ATRNL1: variants seen among roughly 807,000 people sequenced by gnomAD.
ATRNL1 encodes the protein attractin like 1, also known as attractin-like protein 1.
In ATRNL1, 95 loss-of-function variants were observed where a neutral mutation model predicts 182.7. That is an observed-to-expected ratio of 0.52 (90% CI 0.44 to 0.62). The LOEUF is 0.62. ATRNL1 is among the 20% of genes least tolerant of loss of function. The probability of loss-of-function intolerance (pLI) is 0.00; values close to 1 mark genes in which losing one functional copy is unlikely to be tolerated. For missense variants in ATRNL1, 1,471 were observed against 1,679.5 expected, an observed-to-expected ratio of 0.88 and a Z score of 2.17; for synonymous variants, 576 against 568.3, an observed-to-expected ratio of 1.01 and a Z score of -0.19.
intron 28 of ATRNL1, among the ~76,000 whole-genome samples, chr10:115,850,782 T>C (rs1415422771): frequency 6.6e-6 from 1 of 152,184 alleles, no homozygotes; most frequent in Non-Finnish European, 1.5e-5. Context: ...TTCAAATTCA[T>C]TTACCCTTTC....
chr10:115,439,261 C>T (rs1275725489), intron 21 of ATRNL1, among the ~76,000 whole-genome samples: 7 of 151,768 alleles, frequency 4.6e-5, no homozygotes, highest in Non-Finnish European at 7.4e-5. Flanking sequence ...AAAAAATTCA[C>T]ATATGAGTGG....
intron 26 of ATRNL1, among the ~76,000 whole-genome samples, chr10:115,625,894 G>C (rs1555024512): frequency 6.6e-6 from 1 of 152,040 alleles, no homozygotes; most frequent in Non-Finnish European, 1.5e-5. Flanking sequence ...GCCCCAACTT[G>C]TTCGTTCCTC....
At chr10:115,180,106 A>T (rs945559602) in intron 8 of ATRNL1, among the ~76,000 whole-genome samples, 1 of 151,934 alleles carries the variant, frequency 6.6e-6, no homozygotes, top group Non-Finnish European at 1.5e-5. Flanking sequence ...ATTTGATGGG[A>T]GGATATTTAT....
intron 26 of ATRNL1, among the ~76,000 whole-genome samples, chr10:115,647,014 A>G (rs1290821670): frequency 7.5e-6 from 1 of 132,492 alleles, no homozygotes. Context: ...AAGTGTTCTC[A>G]TTGTTCAATT....
intron 25 of ATRNL1, among the ~76,000 whole-genome samples, chr10:115,538,660 C>T (rs1334046828): frequency 2.6e-5 from 4 of 152,104 alleles, no homozygotes; most frequent in Non-Finnish European, 5.9e-5. Context: ...TTTTCATTCT[C>T]TTAACAGTAT....
At chr10:115,473,938 T>A (rs561153721) in intron 24 of ATRNL1, among the ~76,000 whole-genome samples, 7 of 151,502 alleles carry the variant, frequency 4.6e-5, no homozygotes, top group African/African-American at 1.7e-4. Context: ...CATTTATAAT[T>A]TGTTTAAGTC....
intron 8 of ATRNL1, among the ~76,000 whole-genome samples, chr10:115,201,602 G>T (rs1838851858): frequency 6.6e-6 from 1 of 152,026 alleles, no homozygotes; most frequent in East Asian, 1.9e-4. Context: ...CTCTGTTTTG[G>T]TACCAGTACC....
intron 26 of ATRNL1, among the ~76,000 whole-genome samples, chr10:115,560,415 G>C (rs1461066777): frequency 6.6e-6 from 1 of 152,178 alleles, no homozygotes; most frequent in African/African-American, 2.4e-5. Context: ...GCTATGACAG[G>C]TGGGAATTAT....
At position 115,314,075 on chromosome 10, in the gene ATRNL1, T is replaced by G. The variant is rs142429705; in HGVS notation, c.2819-1443T>G. ...TTTAAAACTGTGTCATTTAGCGCTG[T>G]GTACTGTTGAAAAAATGTAAGATTT... On this transcript the variant is annotated intron_variant, in intron 17 of 28. Coordinates refer to ENST00000355044, the MANE Select transcript of ATRNL1 (RefSeq NM_207303.4). 1.1e-3 allele frequency among the ~76,000 whole-genome samples: 161 copies of G among 152,318 alleles called. 1 individual carries two copies. The highest frequency in any genetic ancestry group is 4.1e-3 in the Admixed American group (62 of 15,294).
At chr10:115,259,138 C>G (rs1458561091) in intron 10 of ATRNL1, among the ~76,000 whole-genome samples, 1 of 152,226 alleles carries the variant, frequency 6.6e-6, no homozygotes, top group African/African-American at 2.4e-5. Flanking sequence ...CTGGGAGAAC[C>G]ACTGCCCTCT....
In ATRNL1 at chr10:115,300,023, G is replaced by C. The variant is rs550245371; in HGVS notation, c.2416-11G>C. 7 of 1,593,128 alleles carry C rather than the reference G, an allele frequency of 4.4e-6. No homozygotes were observed. The African/African-American group carries it at 8.1e-5, about 18-fold the overall frequency. On this transcript the variant is annotated splice_polypyrimidine_tract_variant and intron_variant, in intron 15 of 28. Transcript: ENST00000355044. ...ACTTTCTTTGAATGCCCCTTTTCCT[G>C]TTGTTTACAGAAAGTATCACCTTGG...
At chr10:115,702,052 C>T (rs148675856) in intron 26 of ATRNL1, among the ~76,000 whole-genome samples, 155 of 152,034 alleles carry the variant, frequency 1.0e-3, no homozygotes, top group South Asian at 3.1e-3. Context: ...TCCAGCAGCA[C>T]GTCAAAAAGT....
chr10:115,340,471 CTTTTCTTTT>C (rs1325952506), intron 19 of ATRNL1, among the ~76,000 whole-genome samples: 2 of 89,570 alleles, frequency 2.2e-5, no homozygotes, highest in South Asian at 3.9e-4. Flanking sequence ...CTTTTCTTTT[CTTTTCTTTT>C]TTTTTTTTTT....
At chr10:115,387,541 A>C (rs965007942) in intron 19 of ATRNL1, among the ~76,000 whole-genome samples, 6 of 152,210 alleles carry the variant, frequency 3.9e-5, no homozygotes, top group Non-Finnish European at 7.3e-5. Flanking sequence ...TGTGCAGCCA[A>C]CACCTGTATC....
intron 25 of ATRNL1, among the ~76,000 whole-genome samples, chr10:115,534,944 A>C (rs1300505522): frequency 9.9e-5 from 15 of 152,222 alleles, no homozygotes; most frequent in African/African-American, 2.2e-4. Context: ...CCCCCACTCT[A>C]TTCTGGCTTG....
chr10:115,132,393 G>A (rs1342539660), intron 5 of ATRNL1, among the ~76,000 whole-genome samples: 4 of 152,124 alleles, frequency 2.6e-5, no homozygotes, highest in Admixed American at 6.5e-5. Flanking sequence ...ATAAACATAT[G>A]TGTGCATGTG....
intron 15 of ATRNL1, among the ~76,000 whole-genome samples, chr10:115,292,451 G>T (rs1852965100): frequency 6.6e-6 from 1 of 150,768 alleles, no homozygotes; most frequent in African/African-American, 2.4e-5. Context: ...CAACATTAGG[G>T]TGTTTATTTG....
chr10:115,703,620 G>A (rs1241857116), intron 26 of ATRNL1, among the ~76,000 whole-genome samples: 11 of 151,550 alleles, frequency 7.3e-5, no homozygotes, highest in African/African-American at 1.9e-4. Context: ...ATTATCTTAT[G>A]TTTTTAATTT....
At chr10:115,876,187 A>G (rs532393174) in intron 28 of ATRNL1, among the ~76,000 whole-genome samples, 3 of 152,332 alleles carry the variant, frequency 2.0e-5, no homozygotes, top group South Asian at 2.1e-4. Context: ...TACAATTTGC[A>G]GTCAGATGAA....
Sources: gnomAD v4.1 joint callset for allele counts (sites outside exome capture counted in the v4.1 genomes callset) on GRCh38, gnomAD v4.1.1 for gene constraint, MANE v1.5 for transcripts, NCBI Gene and HGNC (gene_info 2026-07-23, HGNC 2026-07-21) for gene names.